TFEC: variants seen among roughly 807,000 people sequenced by gnomAD.
TFEC encodes the protein transcription factor EC, also known as class E basic helix-loop-helix protein 34.
Under a neutral mutation model 41.6 loss-of-function variants are expected in TFEC, and 31 were observed. The ratio of observed to expected loss-of-function variants is 0.74; its 90% CI spans 0.56 to 1.01. The LOEUF is 1.01. TFEC is among the 50% of genes least tolerant of loss of function. The pLI, the probability that TFEC is intolerant of heterozygous loss-of-function variation, is 0.00. For synonymous variants in TFEC, 143 were observed against 140.6 expected (o/e 1.02, Z -0.12); for missense variants, 402 against 404.1 (o/e 0.99, Z 0.04).
chr7:116,004,831 A>G (rs1794727710), intron 1 of TFEC, among the ~76,000 whole-genome samples: 1 of 151,886 alleles, frequency 6.6e-6, no homozygotes, highest in Non-Finnish European at 1.5e-5. Flanking sequence ...TATTACTGAT[A>G]TGATTTGGCT....
chr7:116,039,429 G>A (rs1249006131), intron 3 of TFEC, among the ~76,000 whole-genome samples: 2 of 101,812 alleles, frequency 2.0e-5, no homozygotes, highest in Non-Finnish European at 4.4e-5. Flanking sequence ...TTCTGTGTGT[G>A]TGTGTGTGTG....
intron 3 of TFEC, among the ~76,000 whole-genome samples, chr7:115,961,986 T>G (rs984269107): frequency 5.9e-5 from 9 of 151,642 alleles, no homozygotes; most frequent in African/African-American, 2.2e-4. Flanking sequence ...GCTGATTTTA[T>G]GTACTGCAGC....
intron 3 of TFEC, among the ~76,000 whole-genome samples, chr7:116,078,755 T>A (rs780733996): frequency 6.6e-6 from 1 of 152,030 alleles, no homozygotes; most frequent in Non-Finnish European, 1.5e-5. Context: ...TATCAGACAT[T>A]CAATGAAGAA....
At chr7:116,118,262 A>G (rs1798034392) in intron 1 of TFEC, among the ~76,000 whole-genome samples, 2 of 151,914 alleles carry the variant, frequency 1.3e-5, no homozygotes, top group Non-Finnish European at 2.9e-5. Flanking sequence ...ACCGTTTTCA[A>G]CATTTAGAAA....
At chr7:116,108,026 A>C (rs1797760691) in intron 3 of TFEC, among the ~76,000 whole-genome samples, 1 of 152,190 alleles carries the variant, frequency 6.6e-6, no homozygotes, top group Non-Finnish European at 1.5e-5. Context: ...AAGAAAACAA[A>C]GATTATAGAA....
At chr7:116,023,478 A>T (rs1028795558) in intron 1 of TFEC, among the ~76,000 whole-genome samples, 10 of 152,190 alleles carry the variant, frequency 6.6e-5, no homozygotes, top group African/African-American at 2.2e-4. Context: ...TTTTTTGGTC[A>T]TTGATAGAGA....
chr7:116,081,894 A>C (rs150290781), intron 3 of TFEC, among the ~76,000 whole-genome samples: 2 of 152,140 alleles, frequency 1.3e-5, no homozygotes, highest in Middle Eastern at 3.4e-3. Context: ...TGCTTGATTA[A>C]TGTTTACCTC....
In TFEC at chr7:115,941,991, T is replaced by G. The variant is rs1306114417; in HGVS notation, c.565A>C (p.Ile189Leu). 3.7e-6 allele frequency: 6 copies of G among 1,613,086 alleles called. No homozygotes were observed. The highest frequency in any genetic ancestry group is 3.4e-6 in the Non-Finnish European group (4 of 1,179,340). ...TGTTGTTCTTTTTGTAGCCACTTGA[T>G]GTACTCCACTGATGCTTTTAGAATG... The part of the protein sequence containing the change: ...GTILKASVEY[I>L]KWLQKEQQRA... Residue 189 changes from isoleucine to leucine, a missense_variant, in exon 7 of 8, where the codon ATC becomes CTC. Transcript: ENST00000265440.
At chr7:116,054,668 G>A (rs1796387452) in intron 3 of TFEC, among the ~76,000 whole-genome samples, 3 of 152,022 alleles carry the variant, frequency 2.0e-5, no homozygotes, top group Non-Finnish European at 4.4e-5. Flanking sequence ...AATATTTTTA[G>A]TATAAGTATG....
intron 3 of TFEC, among the ~76,000 whole-genome samples, chr7:116,096,958 C>T (rs1283365028): frequency 1.3e-5 from 2 of 151,842 alleles, no homozygotes; most frequent in African/African-American, 2.4e-5. Context: ...AGCGTGGTGC[C>T]GCATGCCTGT....
intron 3 of TFEC, among the ~76,000 whole-genome samples, chr7:116,055,515 G>A (rs1796409146): frequency 6.6e-6 from 1 of 151,822 alleles, no homozygotes; most frequent in South Asian, 2.1e-4. Context: ...GACCCTAAGT[G>A]TTTTCATATT....
At chr7:115,954,468 G>T in intron 5 of TFEC, 118 bp downstream of exon 5, 1 of 618,822 alleles carries the variant, frequency 1.6e-6, no homozygotes, top group Non-Finnish European at 2.6e-6. Context: ...AGTTATATGT[G>T]CAATTAATTT....
intron 1 of TFEC, among the ~76,000 whole-genome samples, chr7:115,992,519 G>A (rs1794168415): frequency 6.6e-6 from 1 of 152,114 alleles, no homozygotes; most frequent in African/African-American, 2.4e-5. Flanking sequence ...AAATAATAAA[G>A]GGGGTGGCAC....
chr7:116,041,763 C>T (rs1372427598), intron 3 of TFEC, among the ~76,000 whole-genome samples: 1 of 152,250 alleles, frequency 6.6e-6, no homozygotes, highest in Non-Finnish European at 1.5e-5. Flanking sequence ...CCTTGTGATG[C>T]TCTTCCTGTT....
intron 3 of TFEC, among the ~76,000 whole-genome samples, chr7:116,098,804 TG>T (rs1797531348): frequency 6.8e-6 from 1 of 148,048 alleles, no homozygotes. Context: ...AGCATCACCT[TG>T]ATACCAAAAC....
chr7:116,024,256 C>T (rs1487366375), intron 1 of TFEC, among the ~76,000 whole-genome samples: 1 of 152,108 alleles, frequency 6.6e-6, no homozygotes, highest in Admixed American at 6.5e-5. Context: ...TTTTCTTCTA[C>T]CCTTCTCCCT....
At chr7:116,082,601 T>C (rs1240226918) in intron 3 of TFEC, among the ~76,000 whole-genome samples, 1 of 152,016 alleles carries the variant, frequency 6.6e-6, no homozygotes. Flanking sequence ...TCGAGAAATG[T>C]AAAAGCTAAA....
chr7:115,968,111 A>T lies in TFEC; in HGVS notation c.267+6059T>A, dbSNP rs902375287. 5 of 1,411,478 alleles carry T rather than the reference A, an allele frequency of 3.5e-6. No homozygotes were observed. The African/African-American group carries it at 7.2e-5, about 20-fold the overall frequency. The allele number at this position is 1,411,478 out of a possible 1,614,324, so 87.4% of individuals were successfully genotyped here. ...ACCTTATTTTATTGACTATAAGTTT[A>T]TAAAGTTTAAATTCAGTATTTAAGG... On this transcript the variant is annotated intron_variant, in intron 3 of 7. Coordinates refer to ENST00000265440, the MANE Select transcript of TFEC (RefSeq NM_012252.4).
chr7:115,953,632 T>C (rs1792064418), intron 5 of TFEC, among the ~76,000 whole-genome samples: 1 of 152,002 alleles, frequency 6.6e-6, no homozygotes, highest in Admixed American at 6.6e-5. Context: ...TCTCAACCAT[T>C]AGCTCTCCCC....
Sources: allele counts gnomAD v4.1 joint callset (sites outside exome capture counted in the v4.1 genomes callset), GRCh38; gene constraint gnomAD v4.1.1; transcripts MANE v1.5; gene names NCBI Gene and HGNC (gene_info 2026-07-23, HGNC 2026-07-21).